The following PDE1C variants were observed in gnomAD, a reference collection of about 807,000 sequenced individuals.
PDE1C encodes the protein dual specificity calcium/calmodulin-dependent 3',5'-cyclic nucleotide phosphodiesterase 1C.
A neutral mutation model predicts 93.1 loss-of-function variants in PDE1C; 62 were observed. The ratio of observed to expected loss-of-function variants is 0.67; its 90% CI spans 0.54 to 0.82. PDE1C has a LOEUF of 0.82. Among genes scored for constraint, PDE1C ranks in the 40% least tolerant of loss-of-function variants. The probability of loss-of-function intolerance (pLI) is 0.00; values close to 1 mark genes in which losing one functional copy is unlikely to be tolerated. For missense variants in PDE1C, 742 were observed against 884.6 expected (o/e 0.84, Z 2.04); for synonymous variants, 325 against 310.1 (o/e 1.05, Z -0.50).
chr7:32,070,734 AC>A (rs1795955942), upstream of PDE1C: 4 of 1,106,444 alleles, frequency 3.6e-6, no homozygotes, highest in Non-Finnish European at 3.3e-6. Context: ...TTCTCCCCCT[AC>A]CCCCAAACAA....
chr7:32,207,721 T>C (rs1805695322), intron 2 of PDE1C, among the ~76,000 whole-genome samples: 1 of 152,172 alleles, frequency 6.6e-6, no homozygotes, highest in Non-Finnish European at 1.5e-5. Context: ...CTCAAGATAA[T>C]AAGCTTTGAA....
intron 14 of PDE1C, among the ~76,000 whole-genome samples, chr7:31,822,338 G>A (rs1268042520): frequency 6.6e-6 from 1 of 151,994 alleles, no homozygotes; most frequent in East Asian, 1.9e-4. Flanking sequence ...CTTATCTCAG[G>A]TTTGCGCTAC....
At chr7:31,918,074 T>G (rs1409179664) in intron 2 of PDE1C, among the ~76,000 whole-genome samples, 4 of 152,178 alleles carry the variant, frequency 2.6e-5, no homozygotes, top group Admixed American at 6.6e-5. Context: ...TCTCCTTAAT[T>G]AGAATGTAAA....
At chr7:32,411,607 T>G (rs1785171070) in intron 1 of PDE1C, among the ~76,000 whole-genome samples, 1 of 152,158 alleles carries the variant, frequency 6.6e-6, no homozygotes, top group African/African-American at 2.4e-5. Context: ...GGGGAGTGAA[T>G]GGGAAGGCCT....
intron 3 of PDE1C, among the ~76,000 whole-genome samples, chr7:32,091,666 T>G (rs1797475064): frequency 6.6e-6 from 1 of 152,020 alleles, no homozygotes; most frequent in African/African-American, 2.4e-5. Flanking sequence ...TGGAGAGTAA[T>G]AAGAAATGAC....
At chr7:32,076,498 C>T (rs2128732438) in intron 3 of PDE1C, among the ~76,000 whole-genome samples, 1 of 152,020 alleles carries the variant, frequency 6.6e-6, no homozygotes, top group South Asian at 2.1e-4. Context: ...TAAAAATTAG[C>T]TGGGCATGGT....
chr7:32,069,625 C>G (rs1419920826), intron 1 of PDE1C, among the ~76,000 whole-genome samples: 1 of 152,068 alleles, frequency 6.6e-6, no homozygotes, highest in Non-Finnish European at 1.5e-5. Flanking sequence ...ACAGACAGAA[C>G]CCAATGAAGT....
chr7:31,963,347 T>C (rs1257967431), intron 2 of PDE1C, among the ~76,000 whole-genome samples: 6 of 152,244 alleles, frequency 3.9e-5, no homozygotes, highest in African/African-American at 1.2e-4. Flanking sequence ...TTTGTTTATA[T>C]ACTTAAACAT....
chr7:32,165,978 C>A (rs1278431415), intron 3 of PDE1C, among the ~76,000 whole-genome samples: 1 of 151,386 alleles, frequency 6.6e-6, no homozygotes, highest in African/African-American at 2.4e-5. Flanking sequence ...GATGCACACT[C>A]AAGTTTGAAT....
rs749011944 is a variant in PDE1C at position 31,961,244 on chromosome 7, GTA to G, written c.129-80386_129-80385del. ...ATCACTCGTACATGTATATGTATAT[GTA>G]TATATATATATATATACACACACAC... On this transcript the variant is annotated intron_variant, in intron 2 of 17. Transcript: ENST00000396191. Among the ~76,000 whole-genome samples, 162 of 130,198 alleles carry G rather than the reference GTA, an allele frequency of 1.2e-3. 1 individual carries two copies. In the East Asian group the frequency reaches 0.035, roughly 28 times the overall value. 85.4% of individuals were successfully genotyped at this position (130,198 alleles called of 152,430 possible). A position where few individuals can be genotyped will look rare whatever the true frequency, so the allele number is the denominator to read the frequency against.
At chr7:32,149,458 G>A (rs556884919) in intron 3 of PDE1C, among the ~76,000 whole-genome samples, 2 of 152,250 alleles carry the variant, frequency 1.3e-5, no homozygotes, top group African/African-American at 2.4e-5. Flanking sequence ...TCTATCCCAA[G>A]AAAATTATTC....
intron 2 of PDE1C, among the ~76,000 whole-genome samples, chr7:32,047,020 T>C (rs1230685143): frequency 2.0e-5 from 3 of 147,522 alleles, no homozygotes; most frequent in Non-Finnish European, 3.0e-5. Flanking sequence ...TCCCCTATCA[T>C]ACTGAAATAG....
At chr7:32,298,521 G>T in intron 1 of PDE1C, 1 of 1,143,104 alleles carries the variant, frequency 8.7e-7, no homozygotes, top group Non-Finnish European at 1.2e-6. Flanking sequence ...GGGGGCTCCC[G>T]CCCGGAGAGC....
chr7:31,901,947 C>T (rs1454939113), intron 2 of PDE1C, among the ~76,000 whole-genome samples: 1 of 149,978 alleles, frequency 6.7e-6, no homozygotes, highest in Non-Finnish European at 1.5e-5. Flanking sequence ...CAACTTACCC[C>T]AAAATATTTT....
chr7:31,950,136 C>G (rs1432632616), intron 2 of PDE1C, among the ~76,000 whole-genome samples: 1 of 152,152 alleles, frequency 6.6e-6, no homozygotes, highest in Non-Finnish European at 1.5e-5. Flanking sequence ...TAGCATAGTC[C>G]TCAAGCTATC....
intron 2 of PDE1C, among the ~76,000 whole-genome samples, chr7:32,208,660 A>G (rs1253871618): frequency 6.6e-6 from 1 of 152,170 alleles, no homozygotes; most frequent in Non-Finnish European, 1.5e-5. Flanking sequence ...CACCTGGTGC[A>G]TAGTGGGTTT....
chr7:31,675,400 C>T, the PDE1C span, among the ~76,000 whole-genome samples: 2 of 152,102 alleles, frequency 1.3e-5, no homozygotes, highest in African/African-American at 2.4e-5. Context: ...GAATTAACTC[C>T]CCCTTTGAAA....
intron 3 of PDE1C, among the ~76,000 whole-genome samples, chr7:32,082,397 G>GGCCT (rs1424635981): frequency 2.0e-5 from 3 of 152,254 alleles, no homozygotes; most frequent in Non-Finnish European, 2.9e-5. Context: ...AGCTCAAGGA[G>GGCCT]GCCTGCCTGC....
intron 1 of PDE1C, among the ~76,000 whole-genome samples, chr7:32,386,812 T>C (rs1474922020): frequency 2.6e-5 from 4 of 151,978 alleles, no homozygotes; most frequent in African/African-American, 4.8e-5. Context: ...TTGTGCCAAA[T>C]AGCCGTCAAA....
Sources: gnomAD v4.1 joint callset for allele counts (sites outside exome capture counted in the v4.1 genomes callset) on GRCh38, gnomAD v4.1.1 for gene constraint, MANE v1.5 for transcripts, NCBI Gene and HGNC (gene_info 2026-07-23, HGNC 2026-07-21) for gene names.